UBP1: variants seen among roughly 807,000 people sequenced by gnomAD.
UBP1 encodes the protein upstream binding protein 1.
A neutral mutation model predicts 76.1 loss-of-function variants in UBP1; 22 were observed. The observed-to-expected ratio is 0.29, with a 90% CI of 0.21 to 0.41. UBP1 has a LOEUF of 0.41. Ranked by LOEUF, UBP1 falls within the 10% of genes least tolerant of loss-of-function variation. UBP1 has a pLI of 1.00. For synonymous variants in UBP1, 224 were observed against 237.1 expected (o/e 0.94, Z 0.51); for missense variants, 436 against 668.1 (o/e 0.65, Z 3.83).
At chr3:33,425,996 AATATATATAT>A (rs60739079) in intron 1 of UBP1, among the ~76,000 whole-genome samples, 992 of 55,100 alleles carry the variant, frequency 0.018, 17 homozygotes, top group African/African-American at 0.051. Context: ...GGCAGCTCTG[AATATATATAT>A]ATATATATAT....
At chr3:33,416,932 C>G (rs1301778757) in intron 2 of UBP1, 98 bp from the exon 3 acceptor site, 1 of 1,018,296 alleles carries the variant, frequency 9.8e-7, no homozygotes, top group Admixed American at 2.2e-5. Context: ...ATACATTACA[C>G]AATGATAGTT....
intron 1 of UBP1, among the ~76,000 whole-genome samples, chr3:33,436,485 T>C (rs1158573259): frequency 1.3e-5 from 2 of 152,254 alleles, no homozygotes; most frequent in African/African-American, 4.8e-5. Flanking sequence ...AAGAGATTTA[T>C]ACCACAGCGA....
chr3:33,431,519 T>C (rs934153162), intron 1 of UBP1, among the ~76,000 whole-genome samples: 1 of 151,836 alleles, frequency 6.6e-6, no homozygotes, highest in East Asian at 2.0e-4. Context: ...GGGCGGATCA[T>C]TACATCAGGA....
intron 11 of UBP1, 192 bp from the exon 12 acceptor site, chr3:33,397,327 A>C: frequency 2.2e-6 from 1 of 447,292 alleles, no homozygotes. Context: ...TGGCTTTTCC[A>C]TGTCCTGTAT....
Position 33,389,037 on chromosome 3 carries a change from G to A in UBP1, c.*1294C>T, listed in dbSNP as rs996701501. ...AAAAATTCAGTCCCCTACACCACAG[G>A]CCTCAAACATGCTTGCTGATGGATT... On this transcript the variant is annotated 3_prime_UTR_variant, in exon 16 of 16. Coordinates refer to ENST00000283629, the MANE Select transcript of UBP1 (RefSeq NM_014517.5). 1 of 152,448 alleles carries A rather than the reference G, an allele frequency of 6.6e-6. No individual in the cohort carries two copies. The highest frequency in any genetic ancestry group is 6.5e-5 in the Admixed American group (1 of 15,270). 9.4% of individuals were successfully genotyped at this position (152,448 alleles called of 1,614,324 possible).
intron 4 of UBP1, 139 bp downstream of exon 4, chr3:33,412,583 A>G (rs74844869): frequency 8.0e-6 from 1 of 124,380 alleles, no homozygotes; most frequent in South Asian, 1.9e-4. Context: ...CTCTGTCTCA[A>G]AAAAAAAAAA....
rs2044170219 is a variant in UBP1 at position 33,400,185 on chromosome 3, A to G, written c.1180+4T>C. The G allele has an allele frequency of 6.3e-7, 1 of 1,576,936 alleles. No individual in the cohort carries two copies. Among genetic ancestry groups the G allele is most frequent in the Non-Finnish European group, 8.6e-7 (1 of 1,164,130 alleles). On this transcript the variant is annotated splice_donor_region_variant and intron_variant, in intron 11 of 15. Coordinates refer to ENST00000283629, the MANE Select transcript of UBP1 (RefSeq NM_014517.5). ...TGCACAGATACACACACACATACAC[A>G]TACCTGAAAAATTAGAGAACAGTCT...
chr3:33,391,297 C>G (rs2043753960), intron 15 of UBP1: 1 of 152,206 alleles, frequency 6.6e-6, no homozygotes, highest in Non-Finnish European at 1.5e-5. Context: ...TCTTAGCTCA[C>G]CTGACTTTTA....
chr3:33,394,231 G>A (rs1340352640), intron 13 of UBP1, among the ~76,000 whole-genome samples: 2 of 141,712 alleles, frequency 1.4e-5, no homozygotes, highest in Non-Finnish European at 3.2e-5. Context: ...ATTATTTGTA[G>A]AGACAGGGTT....
Position 33,397,084 on chromosome 3 carries a change from G to A in UBP1, c.1232C>T (p.Ala411Val). Residue 411 changes from alanine to valine, a missense_variant, in exon 12 of 16, where the codon GCA (alanine) becomes GTA (valine). Physicochemically the swap from Ala to Val is moderately conservative, Grantham distance 64. Coordinates refer to ENST00000283629, the MANE Select transcript of UBP1 (RefSeq NM_014517.5). ...TKEDLVQICG[A>V]ADGIRLYNSL... is the part of the protein sequence containing the mutation. ...ATTATAGAGCCGAATTCCATCGGCT[G>A]CACCACAAATTTGAACTAAATCCTC... The A allele has an allele frequency of 6.2e-7, 1 of 1,603,302 alleles. No homozygotes were observed. Among genetic ancestry groups the A allele is most frequent in the Non-Finnish European group, 8.5e-7 (1 of 1,176,014 alleles).
Position 33,390,111 on chromosome 3 carries a change from A to G in UBP1, c.*220T>C, listed in dbSNP as rs1234683185. On this transcript the variant is annotated 3_prime_UTR_variant, in exon 16 of 16. Transcript: ENST00000283629. ...CACCGTGGCCTCCAGAGCTGGATGC[A>G]TGCTGTGCCGATGTGCTCACTCTCA... 2 of 535,152 alleles carry G rather than the reference A, an allele frequency of 3.7e-6. No homozygotes were observed. Among genetic ancestry groups the G allele is most frequent in the Non-Finnish European group, 6.7e-6 (2 of 297,866 alleles). The allele number at this position is 535,152 out of a possible 1,614,324, so 33.2% of individuals were successfully genotyped here. A position where few individuals can be genotyped will look rare whatever the true frequency, so the allele number is the denominator to read the frequency against.
At chr3:33,429,637 G>A (rs1210323634) in intron 1 of UBP1, among the ~76,000 whole-genome samples, 3 of 151,886 alleles carry the variant, frequency 2.0e-5, no homozygotes, top group South Asian at 4.2e-4. Flanking sequence ...CCCAAATGAT[G>A]CATTTTAGAA....
chr3:33,438,453 C>A (rs962947757), intron 1 of UBP1, among the ~76,000 whole-genome samples: 4 of 152,184 alleles, frequency 2.6e-5, no homozygotes, highest in African/African-American at 7.2e-5. Context: ...TCTAATACTC[C>A]CCTCTGGGGT....
chr3:33,417,680 AC>A (rs1389022005), intron 2 of UBP1, among the ~76,000 whole-genome samples: 1 of 152,220 alleles, frequency 6.6e-6, no homozygotes, highest in Non-Finnish European at 1.5e-5. Context: ...CTCCAAATCC[AC>A]AAAAAATGAT....
chr3:33,425,179 GC>G (rs2044991570), intron 2 of UBP1, among the ~76,000 whole-genome samples: 1 of 152,054 alleles, frequency 6.6e-6, no homozygotes, highest in Non-Finnish European at 1.5e-5. Flanking sequence ...TGTTTATTTA[GC>G]CACAGACTCC....
At chr3:33,390,472 G>A in intron 15 of UBP1, 104 bp from the exon 16 acceptor site, 1 of 1,216,866 alleles carries the variant, frequency 8.2e-7, no homozygotes, top group South Asian at 1.3e-5. Flanking sequence ...CCAATTCAGA[G>A]GTTACCTTTA....
At chr3:33,401,105 A>C in intron 9 of UBP1, 89 bp from the exon 10 acceptor site, 1 of 1,285,184 alleles carries the variant, frequency 7.8e-7, no homozygotes, top group Non-Finnish European at 1.1e-6. Context: ...CATTGTAACT[A>C]TGCAAATTTC....
At chr3:33,434,145 CA>C (rs1331233708) in intron 1 of UBP1, among the ~76,000 whole-genome samples, 5 of 152,202 alleles carry the variant, frequency 3.3e-5, no homozygotes, top group African/African-American at 1.2e-4. Context: ...CTATATCTTA[CA>C]GGGGCGGGGG....
At chr3:33,409,379 G>A in intron 6 of UBP1, 33 bp from the exon 7 acceptor site, 2 of 1,613,806 alleles carry the variant, frequency 1.2e-6, no homozygotes, top group Non-Finnish European at 1.7e-6. Flanking sequence ...TCATCTATCA[G>A]GCTGCAGACA....
Sources: allele counts gnomAD v4.1 joint callset (sites outside exome capture counted in the v4.1 genomes callset), GRCh38; gene constraint gnomAD v4.1.1; transcripts MANE v1.5; gene names NCBI Gene and HGNC (gene_info 2026-07-23, HGNC 2026-07-21).